The following MEPE variants were observed in gnomAD, a reference collection of about 807,000 sequenced individuals.
The protein encoded by MEPE is matrix extracellular phosphoglycoprotein.
In MEPE, 7 loss-of-function variants were observed where a neutral mutation model predicts 7.3. The observed-to-expected ratio is 0.95, with a 90% CI of 0.54 to 1.79. The LOEUF (loss-of-function observed/expected upper bound fraction) is 1.79, where lower values mean the gene tolerates loss of function less well. Among genes scored for constraint, MEPE ranks in the 40% most tolerant of loss-of-function variants. MEPE has a pLI of 0.00. For synonymous variants in MEPE, 214 were observed against 213.1 expected (o/e 1.00, Z -0.04); for missense variants, 623 against 628.2 (o/e 0.99, Z 0.09).
intron 1 of MEPE, among the ~76,000 whole-genome samples, chr4:87,826,659 T>C (rs185709727): frequency 0.014 from 2,100 of 152,264 alleles, 51 homozygotes; most frequent in African/African-American, 0.047. Flanking sequence ...TCTGTTGTTT[T>C]TTTGACTTTT....
Position 87,837,219 on chromosome 4 carries a change from G to GA in MEPE, c.55-1404dup, listed in dbSNP as rs1311784570. ...CTATTACCAGGCTTAGGGCTGGAAGGAAAAAAAAAGGTGCTGCTCCTAGGC... is the reference window on the plus strand; with the variant it reads ...CTATTACCAGGCTTAGGGCTGGAAGGAAAAAAAAAAGGTGCTGCTCCTAGGC... On this transcript the variant is annotated intron_variant, in intron 2 of 3. Coordinates refer to ENST00000361056, the MANE Select transcript of MEPE (RefSeq NM_020203.6). 6.0e-5 allele frequency among the ~76,000 whole-genome samples: 9 copies of GA among 150,888 alleles called. No individual in the cohort carries two copies. In the South Asian group the frequency reaches 1.5e-3, roughly 25 times the overall value.
upstream of MEPE, among the ~76,000 whole-genome samples, chr4:87,831,617 ACTC>A: frequency 6.6e-6 from 1 of 151,854 alleles, no homozygotes; most frequent in South Asian, 2.1e-4. Context: ...TACTTCAGTC[ACTC>A]CTCAATCATG....
upstream of MEPE, among the ~76,000 whole-genome samples, chr4:87,831,971 A>T (rs1240364949): frequency 6.6e-6 from 1 of 152,050 alleles, no homozygotes; most frequent in Non-Finnish European, 1.5e-5. Context: ...TTTATTTCAC[A>T]CAGTTCTGGA....
At chr4:87,830,835 A>AAAAG (rs1553915132), upstream of MEPE, among the ~76,000 whole-genome samples, 68 of 151,492 alleles carry the variant, frequency 4.5e-4, no homozygotes, top group African/African-American at 1.6e-3. Context: ...AAAAAAAAAA[A>AAAAG]AGAGAGAGTT....
chr4:87,823,590 G>A (rs553314080), intron 1 of MEPE, among the ~76,000 whole-genome samples: 17 of 152,170 alleles, frequency 1.1e-4, no homozygotes, highest in East Asian at 9.7e-4. Flanking sequence ...TTTCTGATGC[G>A]GGCTTCAAGA....
intron 1 of MEPE, among the ~76,000 whole-genome samples, chr4:87,826,814 T>G: frequency 6.6e-6 from 1 of 152,226 alleles, no homozygotes; most frequent in East Asian, 1.9e-4. Flanking sequence ...TCTAATTATG[T>G]TCTTTCCCCA....
Position 87,845,991 on chromosome 4 carries a change from C to G in MEPE, c.1123C>G (p.Pro375Ala), listed in dbSNP as rs745445447. ...AHQGKVEFHYPPAPSKEKRKE... is the reference protein window; with the variant it reads ...AHQGKVEFHYAPAPSKEKRKE... ...CCAAGGGAAGGTTGAGTTTCATTAC[C>G]CTCCTGCACCCTCAAAAGAGAAAAG... Residue 375 changes from proline (P) to alanine (A), a missense_variant, in exon 4 of 4, where the codon CCT (proline) becomes GCT (alanine). Pro to Ala is a conservative substitution (Grantham distance 27, BLOSUM62 -1). Coordinates refer to ENST00000361056, the MANE Select transcript of MEPE (RefSeq NM_020203.6). The G allele has an allele frequency of 6.2e-7, 1 of 1,613,874 alleles. No individual in the cohort carries two copies. Among genetic ancestry groups the G allele is most frequent in the South Asian group, 1.1e-5 (1 of 91,072 alleles).
chr4:87,821,409 A>ACCAG (rs1722335207), exon 1 of MEPE: 2 of 152,166 alleles, frequency 1.3e-5, no homozygotes, highest in African/African-American at 4.8e-5. Flanking sequence ...TTACATAAAC[A>ACCAG]AATGCAGTGC....
rs1187627797 is a variant in MEPE, at chr4:87,826,968, T to C, written c.-13+5497T>C. Among the ~76,000 whole-genome samples the C allele has an allele frequency of 2.0e-5, 3 of 152,238 alleles. No homozygotes were observed. The East Asian group carries it at 5.8e-4, about 29-fold the overall frequency. ...GTGGGTTGTCTATTCACTCGGATGA[T>C]AGATTCTTTTGCTGTGCAGAAGCTC... is the stretch of plus-strand genomic sequence containing the variant. On this transcript the variant is annotated intron_variant, in intron 1 of 3. Coordinates refer to the MEPE transcript ENST00000424957.
chr4:87,829,836 T>G (rs1722555009), upstream of MEPE, among the ~76,000 whole-genome samples: 1 of 151,412 alleles, frequency 6.6e-6, no homozygotes. Context: ...TCCATTCCCT[T>G]GTTAGCTCCT....
intron 1 of MEPE, among the ~76,000 whole-genome samples, chr4:87,833,408 C>T (rs538011038): frequency 1.3e-5 from 2 of 152,202 alleles, no homozygotes; most frequent in East Asian, 1.9e-4. Context: ...AAGTTACTTA[C>T]GTTGTCCTGA....
intron 1 of MEPE, among the ~76,000 whole-genome samples, chr4:87,822,509 T>C (rs1207713097): frequency 6.6e-6 from 1 of 152,104 alleles, no homozygotes; most frequent in Non-Finnish European, 1.5e-5. Context: ...AGGGGGACCA[T>C]GAAGTCAAAT....
upstream of MEPE, among the ~76,000 whole-genome samples, chr4:87,830,113 G>C (rs1384314852): frequency 1.3e-5 from 2 of 152,110 alleles, no homozygotes; most frequent in Non-Finnish European, 2.9e-5. Context: ...ATGCTTGAAT[G>C]GTTGTAAGTC....
At chr4:87,835,560 G>T (rs1722755842) in intron 2 of MEPE, among the ~76,000 whole-genome samples, 1 of 152,196 alleles carries the variant, frequency 6.6e-6, no homozygotes, top group Admixed American at 6.5e-5. Context: ...GTGAGTGGGT[G>T]ACTGCTAGGG....
chr4:87,824,975 A>G (rs1722426001), intron 1 of MEPE, among the ~76,000 whole-genome samples: 2 of 152,060 alleles, frequency 1.3e-5, no homozygotes, highest in African/African-American at 2.4e-5. Context: ...AGCGGCCCCA[A>G]GAGCTGGGAC....
intron 3 of MEPE, 34 bp from the exon 4 acceptor site, chr4:87,844,943 A>G (rs1403984744): frequency 1.4e-6 from 2 of 1,428,900 alleles, no homozygotes; most frequent in South Asian, 3.0e-5. Flanking sequence ...ATTTTACATA[A>G]AATAATCACT....
Position 87,846,053 on chromosome 4 carries a change from C to A in MEPE, c.1185C>A (p.Asn395Lys). 1 of 1,613,974 alleles carries A rather than the reference C, an allele frequency of 6.2e-7. No homozygotes were observed. Among genetic ancestry groups the A allele is most frequent in the South Asian group, 1.1e-5 (1 of 91,070 alleles). The stretch of plus-strand genomic sequence containing the variant: ...GTAGTGATGCAGCTGAAAGTACCAA[C>A]TATAATGAAATTCCTAAAAATGGCA... ...EGSSDAAESTNYNEIPKNGKG... is the reference protein window; with the variant it reads ...EGSSDAAESTKYNEIPKNGKG... Residue 395 changes from asparagine to lysine, a missense_variant, in exon 4 of 4, where the codon AAC becomes AAA. By Grantham distance (94) the Asn-to-Lys change is moderately conservative. Transcript: ENST00000361056.
At chr4:87,836,100 T>C (rs1278628124) in intron 2 of MEPE, among the ~76,000 whole-genome samples, 2 of 152,162 alleles carry the variant, frequency 1.3e-5, no homozygotes, top group East Asian at 1.9e-4. Context: ...GAGGCAACAT[T>C]TGTAACTGTG....
chr4:87,844,024 A>G (rs12640398), intron 3 of MEPE, among the ~76,000 whole-genome samples: 26,197 of 152,140 alleles, frequency 0.17, 2,685 homozygotes, highest in Middle Eastern at 0.31. Flanking sequence ...ATAGTGACTC[A>G]GCCTCTCTTA....
Sources: allele counts gnomAD v4.1 joint callset (sites outside exome capture counted in the v4.1 genomes callset), GRCh38; gene constraint gnomAD v4.1.1; transcripts MANE v1.5; gene names NCBI Gene and HGNC (gene_info 2026-07-23, HGNC 2026-07-21).